Variants in ZC3H7B observed in about 807,000 individuals in gnomAD.
ZC3H7B encodes the protein zinc finger CCCH domain-containing protein 7B.
A neutral mutation model predicts 116.0 loss-of-function variants in ZC3H7B; 35 were observed. The ratio of observed to expected loss-of-function variants is 0.30; its 90% CI spans 0.23 to 0.40. The LOEUF is 0.40. Ranked by LOEUF, ZC3H7B falls within the 10% of genes least tolerant of loss-of-function variation. ZC3H7B has a pLI of 1.00. For missense variants in ZC3H7B, 1,011 were observed against 1,321.5 expected (o/e 0.77, Z 3.64); for synonymous variants, 502 against 545.6 (o/e 0.92, Z 1.11).
Position 41,357,726 on chromosome 22 carries a change from G to C in ZC3H7B, c.*297G>C. The C allele has an allele frequency of 4.3e-6, 2 of 469,466 alleles. No individual in the cohort carries two copies. The highest frequency in any genetic ancestry group is 7.8e-6 in the Non-Finnish European group (2 of 257,828). The allele number at this position is 469,466 out of a possible 1,614,324, so 29.1% of individuals were successfully genotyped here. ...CTGACCCCTCCAGCTTCAGCCTCCA[G>C]CTTTAACTTCTGTCTGCTCCTAATG... On this transcript the variant is annotated 3_prime_UTR_variant, in exon 23 of 23. Transcript: ENST00000352645. The surrounding 1 kb of genome is among the most constrained non-coding windows in gnomAD (Gnocchi z 5.4).
rs2036480941 is a variant in ZC3H7B, at chr22:41,338,974, T to G, written c.626-27T>G. On this transcript the variant is annotated intron_variant, in intron 8 of 22. Transcript: ENST00000352645. This position sits in a 1 kb window ranked among gnomAD's most constrained non-coding sequence, Gnocchi z 4.5. ...CCACCCTCACCAAGCAGTGCTCCCC[T>G]TCGGCTCTTGCCCACCCCATCCGCA... The G allele has an allele frequency of 6.6e-7, 1 of 1,519,308 alleles. No individual in the cohort carries two copies. The highest frequency in any genetic ancestry group is 1.4e-5 in the African/African-American group (1 of 72,326). 94.1% of individuals were successfully genotyped at this position (1,519,308 alleles called of 1,614,324 possible).
chr22:41,311,454 C>T (rs2036118020), intron 1 of ZC3H7B, among the ~76,000 whole-genome samples: 1 of 151,910 alleles, frequency 6.6e-6, no homozygotes, highest in South Asian at 2.1e-4. Context: ...TGAGATGGCA[C>T]CAAAGAGGAC....
At chr22:41,331,255 AT>A (rs760896449) in intron 6 of ZC3H7B, among the ~76,000 whole-genome samples, 30 of 146,404 alleles carry the variant, frequency 2.0e-4, no homozygotes, top group East Asian at 6.3e-4. Flanking sequence ...CTCAAAAAAA[AT>A]AAATAAATAA....
Position 41,355,869 on chromosome 22 carries a change from G to A in ZC3H7B, c.2274+7G>A, listed in dbSNP as rs781245703. 15 of 1,613,372 alleles carry A rather than the reference G, an allele frequency of 9.3e-6. No homozygotes were observed. Among genetic ancestry groups the A allele is most frequent in the South Asian group, 5.5e-5 (5 of 91,058 alleles). ...CTTCCCACAGCAATACGATGTGAGC[G>A]CTGGGATGGGGGGCTGGGGGTCCCC... On this transcript the variant is annotated splice_region_variant and intron_variant, in intron 19 of 22. Coordinates refer to ENST00000352645, the MANE Select transcript of ZC3H7B (RefSeq NM_017590.6).
chr22:41,312,086 G>A (rs950515877), intron 1 of ZC3H7B, among the ~76,000 whole-genome samples: 3 of 151,096 alleles, frequency 2.0e-5, no homozygotes, highest in Non-Finnish European at 4.4e-5. Context: ...GAACCCGGGA[G>A]GCGGAGCTTG....
chr22:41,323,410 C>T (rs917345785), intron 2 of ZC3H7B, among the ~76,000 whole-genome samples: 18 of 152,244 alleles, frequency 1.2e-4, no homozygotes, highest in Admixed American at 2.6e-4. Context: ...TCCCCAGCCT[C>T]AGTCACTGAT....
At chr22:41,310,354 T>C (rs1303812080) in intron 1 of ZC3H7B, among the ~76,000 whole-genome samples, 1 of 152,094 alleles carries the variant, frequency 6.6e-6, no homozygotes, top group Admixed American at 6.6e-5. Flanking sequence ...CAGGTGTGTA[T>C]CATCATCCCT....
At position 41,341,091 on chromosome 22, in the gene ZC3H7B, A is replaced by T; in HGVS notation, c.1142A>T (p.Glu381Val). The T allele has an allele frequency of 1.2e-6, 2 of 1,613,710 alleles. No homozygotes were observed. The highest frequency in any genetic ancestry group is 1.1e-5 in the South Asian group (1 of 91,044). The change falls in exon 11 of 23, where the codon GAG (glutamate) becomes GTG (valine). Residue 381 changes from glutamate to valine, a missense_variant. Physicochemically the swap from Glu to Val is moderately radical, Grantham distance 121. Transcript: ENST00000352645. ...CCTGTGTCTTCTCCCTGCCCAGAGG[A>T]GACCAACTCACAGGACCACCGTCCC... is the stretch of plus-strand genomic sequence containing the variant. The part of the protein sequence containing the change: ...SLDKPDSFME[E>V]TNSQDHRPPS...
intron 7 of ZC3H7B, among the ~76,000 whole-genome samples, chr22:41,337,555 C>T (rs2036462395): frequency 6.6e-6 from 1 of 152,208 alleles, no homozygotes; most frequent in Non-Finnish European, 1.5e-5. Flanking sequence ...CCCTTCTCTG[C>T]TTCCTGGGGG....
chr22:41,339,494 C>T (rs1246688940), intron 9 of ZC3H7B, among the ~76,000 whole-genome samples: 1 of 152,040 alleles, frequency 6.6e-6, no homozygotes, highest in East Asian at 1.9e-4. Flanking sequence ...GGCATGGTGG[C>T]ACATGCCTGT....
chr22:41,316,844 T>A (rs1358099413), intron 1 of ZC3H7B, among the ~76,000 whole-genome samples: 1 of 151,622 alleles, frequency 6.6e-6, no homozygotes, highest in Non-Finnish European at 1.5e-5. Context: ...CCAGCTAATT[T>A]TTTTTCTTTT....
chr22:41,307,885 A>C (rs1442682913), intron 1 of ZC3H7B, among the ~76,000 whole-genome samples: 8 of 152,180 alleles, frequency 5.3e-5, no homozygotes, highest in African/African-American at 1.9e-4. Flanking sequence ...TGCAGGAGAC[A>C]GTCTTCAGGT....
At chr22:41,305,403 A>G (rs2036028388) in intron 1 of ZC3H7B, among the ~76,000 whole-genome samples, 1 of 150,968 alleles carries the variant, frequency 6.6e-6, no homozygotes, top group Non-Finnish European at 1.5e-5. Context: ...CTAGCTACTC[A>G]GGAGGCTGAG....
At chr22:41,309,253 G>A (rs1296358679) in intron 1 of ZC3H7B, among the ~76,000 whole-genome samples, 1 of 151,414 alleles carries the variant, frequency 6.6e-6, no homozygotes, top group African/African-American at 2.4e-5. Context: ...CTCGTGATCC[G>A]CCCATCTCGG....
chr22:41,332,021 G>T (rs957308109), intron 6 of ZC3H7B, 150 bp from the exon 7 acceptor site: 1 of 785,572 alleles, frequency 1.3e-6, no homozygotes, highest in South Asian at 1.7e-5. Flanking sequence ...CAGAGCAGTT[G>T]ATTTCCGGCA....
rs750160801 is a variant in ZC3H7B at position 41,338,970 on chromosome 22, C to G, written c.626-31C>G. On this transcript the variant is annotated intron_variant, in intron 8 of 22. Transcript: ENST00000352645. The surrounding 1 kb of genome is among the most constrained non-coding windows in gnomAD (Gnocchi z 4.5). ...TCCTCCACCCTCACCAAGCAGTGCT[C>G]CCCTTCGGCTCTTGCCCACCCCATC... The G allele has an allele frequency of 4.6e-6, 7 of 1,513,140 alleles. No individual in the cohort carries two copies. The East Asian group carries it at 1.7e-4, about 36-fold the overall frequency. 93.7% of individuals were successfully genotyped at this position (1,513,140 alleles called of 1,614,324 possible).
At chr22:41,354,491 G>A (rs1365084815) in intron 17 of ZC3H7B, among the ~76,000 whole-genome samples, 9 of 152,180 alleles carry the variant, frequency 5.9e-5, no homozygotes, top group Non-Finnish European at 8.8e-5. Flanking sequence ...CTGGGGACAC[G>A]GTGGGGAGTA....
rs1326829253 is a variant in ZC3H7B at position 41,327,375 on chromosome 22, C to T, written c.444+11C>T. The T allele has an allele frequency of 6.2e-7, 1 of 1,608,014 alleles. No homozygotes were observed. The highest frequency in any genetic ancestry group is 1.8e-4 in the Middle Eastern group (1 of 5,684). ...CTCGCCCTGCCCCACGTGAGTGTGG[C>T]TCTGCAGCCACGCCGGTGCCTGCTC... is the stretch of plus-strand genomic sequence containing the variant. On this transcript the variant is annotated intron_variant, in intron 5 of 22. Coordinates refer to ENST00000352645, the MANE Select transcript of ZC3H7B (RefSeq NM_017590.6). This position sits in a 1 kb window ranked among gnomAD's most constrained non-coding sequence, Gnocchi z 4.5.
At chr22:41,312,894 A>G (rs962322494) in intron 1 of ZC3H7B, among the ~76,000 whole-genome samples, 1 of 152,200 alleles carries the variant, frequency 6.6e-6, no homozygotes, top group African/African-American at 2.4e-5. Context: ...TCTCAAAAAC[A>G]AAACAATTAT....
Sources: gnomAD v4.1 joint callset for allele counts (sites outside exome capture counted in the v4.1 genomes callset) on GRCh38, gnomAD v4.1.1 for gene constraint, Gnocchi (gnomAD v3.1) non-coding constraint, MANE v1.5 for transcripts, NCBI Gene and HGNC (gene_info 2026-07-23, HGNC 2026-07-21) for gene names.